Variants in KAT6A observed in about 807,000 individuals in gnomAD.
KAT6A encodes histone acetyltransferase KAT6A.
Under a neutral mutation model 198.4 loss-of-function variants are expected in KAT6A, and 9 were observed. That is an observed-to-expected ratio of 0.05 (90% CI 0.03 to 0.08). The LOEUF is 0.08. KAT6A is among the 10% of genes least tolerant of loss of function. The probability of loss-of-function intolerance (pLI) is 1.00; values close to 1 mark genes in which losing one functional copy is unlikely to be tolerated. For synonymous variants in KAT6A, 890 were observed against 883.0 expected, an observed-to-expected ratio of 1.01 and a Z score of -0.14; for missense variants, 2,077 against 2,509.9, an observed-to-expected ratio of 0.83 and a Z score of 3.69.
chr8:41,947,715 T>C (rs776110328), intron 11 of KAT6A, 36 bp downstream of exon 11: 4 of 1,541,346 alleles, frequency 2.6e-6, no homozygotes, highest in African/African-American at 2.8e-5. Context: ...CAGATTTCTA[T>C]ATGAGTTCAA....
At chr8:41,978,526 T>C (rs1215596352) in intron 6 of KAT6A, 116 bp downstream of exon 6, 5 of 1,006,744 alleles carry the variant, frequency 5.0e-6, no homozygotes, top group Non-Finnish European at 7.4e-6. Flanking sequence ...ATTATTATTA[T>C]ATAAAAGTGC....
At chr8:41,987,052 A>G (rs1421998628) in intron 3 of KAT6A, among the ~76,000 whole-genome samples, 4 of 152,130 alleles carry the variant, frequency 2.6e-5, no homozygotes, top group East Asian at 1.9e-4. Context: ...ACAAACAACA[A>G]AAAACCAGAC....
At chr8:41,944,191 T>C (rs1822271907) in intron 12 of KAT6A, among the ~76,000 whole-genome samples, 1 of 152,156 alleles carries the variant, frequency 6.6e-6, no homozygotes, top group Non-Finnish European at 1.5e-5. Flanking sequence ...ACTAAGTTAG[T>C]ATTATTATGT....
chr8:41,996,272 G>A (rs1825197384), intron 2 of KAT6A, among the ~76,000 whole-genome samples: 1 of 152,072 alleles, frequency 6.6e-6, no homozygotes, highest in African/African-American at 2.4e-5. Context: ...CACTTAATAA[G>A]CAATCAGGCA....
intron 2 of KAT6A, among the ~76,000 whole-genome samples, chr8:42,009,708 G>C (rs965535613): frequency 6.6e-6 from 1 of 151,524 alleles, no homozygotes; most frequent in African/African-American, 2.4e-5. Context: ...AGACCAGCCT[G>C]GGAAACATAT....
chr8:41,934,480 C>A lies in KAT6A; in HGVS notation c.3740G>T (p.Ser1247Ile), dbSNP rs1564005684. Residue 1247 changes from serine (S) to isoleucine (I), a missense_variant, in exon 17 of 17, where the codon AGT becomes ATT. Transcript: ENST00000265713. The part of the protein sequence containing the change: ...EEGEEEDAAS[S>I]EVPAASPADS... Reference sequence around the variant, plus strand: ...TGCTGGAGAGGCTGCTGGGACTTCACTGCTGGCTGCATCCTCTTCCTCACC... The same window carrying A: ...TGCTGGAGAGGCTGCTGGGACTTCAATGCTGGCTGCATCCTCTTCCTCACC... 1 of 1,609,774 alleles carries A rather than the reference C, an allele frequency of 6.2e-7. No individual in the cohort carries two copies. The highest frequency in any genetic ancestry group is 8.5e-7 in the Non-Finnish European group (1 of 1,177,824).
chr8:41,939,048 CA>C (rs1160885904), intron 15 of KAT6A, among the ~76,000 whole-genome samples: 1 of 146,728 alleles, frequency 6.8e-6, no homozygotes, highest in Non-Finnish European at 1.5e-5. Context: ...ATCTGAGCAA[CA>C]AATTTTAAAA....
intron 8 of KAT6A, 163 bp downstream of exon 8, chr8:41,974,541 T>A (rs1383302279): frequency 2.2e-6 from 1 of 460,996 alleles, no homozygotes; most frequent in Non-Finnish European, 3.9e-6. Context: ...ATCATGGGTT[T>A]GAAAGGAATA....
intron 8 of KAT6A, among the ~76,000 whole-genome samples, chr8:41,956,025 C>T (rs934236648): frequency 6.6e-6 from 1 of 152,122 alleles, no homozygotes; most frequent in African/African-American, 2.4e-5. Context: ...ATATACAGAC[C>T]TTCTCTTTTT....
At chr8:41,974,585 C>T in intron 8 of KAT6A, 119 bp downstream of exon 8, 1 of 642,238 alleles carries the variant, frequency 1.6e-6, no homozygotes, top group Non-Finnish European at 2.8e-6. Context: ...ACACACAAAC[C>T]ACAACTATTC....
In KAT6A at chr8:41,931,392, T is replaced by C. The variant is rs894777951; in HGVS notation, c.*813A>G. On this transcript the variant is annotated 3_prime_UTR_variant, in exon 17 of 17. Transcript: ENST00000265713. The stretch of plus-strand genomic sequence containing the variant: ...GGCTGGATTTGGATTGCAAACAGCT[T>C]TTCTCTGAGATTCTGCTGTTAATTG... The C allele has an allele frequency of 4.7e-6, 1 of 213,004 alleles. No homozygotes were observed. Among genetic ancestry groups the C allele is most frequent in the Admixed American group, 5.9e-5 (1 of 17,050 alleles). The allele number at this position is 213,004 out of a possible 1,614,324, so 13.2% of individuals were successfully genotyped here.
chr8:41,955,252 C>A (rs757480985), intron 9 of KAT6A, 44 bp downstream of exon 9: 1 of 1,190,004 alleles, frequency 8.4e-7, no homozygotes, highest in South Asian at 1.2e-5. Context: ...TTCCAGACTT[C>A]TATGGATCTC....
intron 8 of KAT6A, among the ~76,000 whole-genome samples, chr8:41,974,077 G>C (rs1442126712): frequency 6.6e-6 from 1 of 151,150 alleles, no homozygotes; most frequent in Non-Finnish European, 1.5e-5. Context: ...ACAAAGAATT[G>C]CAATTTTTTT....
intron 9 of KAT6A, 52 bp from the exon 10 acceptor site, chr8:41,949,415 T>A: frequency 7.6e-7 from 1 of 1,316,904 alleles, no homozygotes; most frequent in Middle Eastern, 2.4e-4. Context: ...TTAGAGTACT[T>A]CAAACTTCCA....
At chr8:41,935,784 G>A (rs1821820640) in intron 16 of KAT6A, among the ~76,000 whole-genome samples, 3 of 152,182 alleles carry the variant, frequency 2.0e-5, no homozygotes. Flanking sequence ...AAAAATCTAA[G>A]TCCATGGGAA....
rs1360979527 is a variant in KAT6A at position 41,930,276 on chromosome 8, A to G, written c.*1929T>C. The G allele has an allele frequency of 6.9e-6, 1 of 144,198 alleles. No individual in the cohort carries two copies. The highest frequency in any genetic ancestry group is 1.4e-5 in the Non-Finnish European group (1 of 71,362). The allele number at this position is 144,198 out of a possible 1,614,324, so 8.9% of individuals were successfully genotyped here. On this transcript the variant is annotated 3_prime_UTR_variant, in exon 17 of 17. Coordinates refer to ENST00000265713, the MANE Select transcript of KAT6A (RefSeq NM_006766.5). ...CCACCCCGTCCCCACCCCAACCAGG[A>G]AGCAATGACACAGCTGAAGATGTAG...
intron 16 of KAT6A, among the ~76,000 whole-genome samples, 175 bp downstream of exon 16, chr8:41,937,081 A>G (rs376464188): frequency 2.6e-4 from 40 of 152,354 alleles, no homozygotes; most frequent in African/African-American, 9.6e-4. Flanking sequence ...GGGAAAACAC[A>G]TTTAAAAATC....
intron 2 of KAT6A, among the ~76,000 whole-genome samples, chr8:42,038,110 C>T (rs1448191625): frequency 6.6e-6 from 1 of 152,160 alleles, no homozygotes; most frequent in Non-Finnish European, 1.5e-5. Context: ...AGCTCAGTCT[C>T]AAGAATTTTA....
chr8:42,017,439 A>G (rs1298475417), intron 2 of KAT6A, among the ~76,000 whole-genome samples: 1 of 152,194 alleles, frequency 6.6e-6, no homozygotes, highest in East Asian at 1.9e-4. Context: ...CCATGAGAAT[A>G]TATTTGTTTA....
Sources: allele counts gnomAD v4.1 joint callset (sites outside exome capture counted in the v4.1 genomes callset), GRCh38; gene constraint gnomAD v4.1.1; transcripts MANE v1.5; gene names NCBI Gene and HGNC (gene_info 2026-07-23, HGNC 2026-07-21).